SKOR2: variants seen among roughly 807,000 people sequenced by gnomAD.
The protein encoded by SKOR2 is LBX1 corepressor 1-like protein.
In SKOR2, 47 loss-of-function variants were observed where a neutral mutation model predicts 69.1. That is an observed-to-expected ratio of 0.68 (90% CI 0.54 to 0.87). The LOEUF is 0.87. Among genes scored for constraint, SKOR2 ranks in the 40% least tolerant of loss-of-function variants. SKOR2 has a pLI of 0.00. For missense variants in SKOR2, 1,404 were observed against 1,472.2 expected, an observed-to-expected ratio of 0.95 and a Z score of 0.76; for synonymous variants, 717 against 672.6, an observed-to-expected ratio of 1.07 and a Z score of -1.02.
chr18:47,248,446 C>T lies in SKOR2; in HGVS notation c.738G>A (p.Gln246=). The T allele has an allele frequency of 1.3e-6, 2 of 1,533,734 alleles. No homozygotes were observed. The highest frequency in any genetic ancestry group is 1.7e-6 in the Non-Finnish European group (2 of 1,145,462). ...GGTGGCAGGCGGGGTGCGCGCCCGG[C>T]TGGGGCAGTGCGCGCTTGCGGCTGC... The part of the protein sequence containing the change: ...NGGSRKRALP[Q]PGAHPACHPL... Residue 246 remains glutamine, a synonymous_variant, in exon 2 of 9, where the codon CAG becomes CAA. Transcript: ENST00000425639. The surrounding 1 kb of genome is among the most constrained non-coding windows in gnomAD (Gnocchi z 6.4).
In SKOR2 at chr18:47,246,862, C is replaced by A; in HGVS notation, c.2322G>T (p.Glu774Asp). Residue 774 changes from glutamate to aspartate, a missense_variant, in exon 2 of 9, where the codon GAG (glutamate) becomes GAT (aspartate). This residue lies in a region of SKOR2 where 1,266 missense variants were observed against 1,309.9 expected (regional missense o/e 0.97). Transcript: ENST00000425639. ...DDDEEEDEETEVLLGDPLVGG... is the reference protein window; with the variant it reads ...DDDEEEDEETDVLLGDPLVGG... ...CGACTAAGGGGTCGCCGAGTAGGAC[C>A]TCCGTCTCCTCGTCCTCTTCCTCGT... The A allele has an allele frequency of 5.4e-6, 8 of 1,491,936 alleles. No homozygotes were observed. Among genetic ancestry groups the A allele is most frequent in the Admixed American group, 2.2e-5 (1 of 46,480 alleles). The allele number at this position is 1,491,936 out of a possible 1,614,324, so 92.4% of individuals were successfully genotyped here.
In SKOR2 at chr18:47,247,101, G is replaced by GGGCCGGGTGGTGGCGC; in HGVS notation, c.2067_2082dup (p.Pro695AlafsTer75). On this transcript the variant is annotated frameshift_variant, in exon 2 of 9. Coordinates refer to ENST00000425639, the MANE Select transcript of SKOR2 (RefSeq NM_001278063.4). LOFTEE classifies it high-confidence loss of function. This position sits in a 1 kb window ranked among gnomAD's most constrained non-coding sequence, Gnocchi z 6.6. ...GGGGGCGGCGGCGGCGGCGGCGGCG[G>GGGCCGGGTGGTGGCGC]GGCCGGGTGGTGGCGCTCGGAACCC... 1 of 1,335,654 alleles carries GGGCCGGGTGGTGGCGC rather than the reference G, an allele frequency of 7.5e-7. No individual in the cohort carries two copies. The highest frequency in any genetic ancestry group is 9.5e-7 in the Non-Finnish European group (1 of 1,051,152). The allele number at this position is 1,335,654 out of a possible 1,614,324, so 82.7% of individuals were successfully genotyped here.
chr18:47,230,128 G>T (rs1273249369), intron 6 of SKOR2, among the ~76,000 whole-genome samples: 1 of 151,626 alleles, frequency 6.6e-6, no homozygotes, highest in Non-Finnish European at 1.5e-5. Flanking sequence ...TAGTTCTTTT[G>T]TTTTAAAATC....
At chr18:47,249,776 C>T (rs1258649573) in intron 1 of SKOR2, among the ~76,000 whole-genome samples, 1 of 152,172 alleles carries the variant, frequency 6.6e-6, no homozygotes, top group Non-Finnish European at 1.5e-5. Context: ...AAACACAGGT[C>T]ATTAAAGCAA....
At chr18:47,223,894 T>C (rs1014602067) in intron 6 of SKOR2, among the ~76,000 whole-genome samples, 2 of 135,156 alleles carry the variant, frequency 1.5e-5, no homozygotes, top group African/African-American at 5.9e-5. Flanking sequence ...CTAAAATTTT[T>C]TCTATGTTCT....
In SKOR2 at chr18:47,245,301, G is replaced by A. The variant is rs541012202; in HGVS notation, c.2677+197C>T. ...CACTGTTATTTGGGAAACTGTCATCGTTGGCAAACTATAGAAATGTTGATC... is the reference window on the plus strand; with the variant it reads ...CACTGTTATTTGGGAAACTGTCATCATTGGCAAACTATAGAAATGTTGATC... On this transcript the variant is annotated intron_variant, in intron 3 of 8. Coordinates refer to ENST00000425639, the MANE Select transcript of SKOR2 (RefSeq NM_001278063.4). Among the ~76,000 whole-genome samples, 8 of 152,182 alleles carry A rather than the reference G, an allele frequency of 5.3e-5. No individual in the cohort carries two copies. In the East Asian group the frequency reaches 1.2e-3, roughly 22 times the overall value.
intron 6 of SKOR2, among the ~76,000 whole-genome samples, chr18:47,228,703 T>G (rs560240289): frequency 1.3e-5 from 2 of 152,344 alleles, no homozygotes; most frequent in South Asian, 4.1e-4. Flanking sequence ...GGCAAGGAAC[T>G]GTGCAGTCTT....
At chr18:47,239,804 GT>G (rs2064241049) in intron 4 of SKOR2, among the ~76,000 whole-genome samples, 1 of 152,004 alleles carries the variant, frequency 6.6e-6, no homozygotes, top group Non-Finnish European at 1.5e-5. Context: ...AAAATACATT[GT>G]ACATAACTAA....
chr18:47,245,478 A>ATTGTTTTTTTTTTTTTTT lies in SKOR2; in HGVS notation c.2677+19_2677+20insAAAAAAAAAAAAAAACAA, dbSNP rs2064267947. The ATTGTTTTTTTTTTTTTTT allele has an allele frequency of 2.5e-6, 2 of 785,128 alleles. No individual in the cohort carries two copies. Among genetic ancestry groups the ATTGTTTTTTTTTTTTTTT allele is most frequent in the Non-Finnish European group, 3.4e-6 (2 of 592,668 alleles). 48.6% of individuals were successfully genotyped at this position (785,128 alleles called of 1,614,324 possible). A position where few individuals can be genotyped will look rare whatever the true frequency, so the allele number is the denominator to read the frequency against. The stretch of plus-strand genomic sequence containing the variant: ...ATGCAGGCAAGAAAAGTGGCAGCTG[A>ATTGTTTTTTTTTTTTTTT]TTTTTTTTTTTTTTTTTACCTGAAA... On this transcript the variant is annotated intron_variant, in intron 3 of 8. Coordinates refer to ENST00000425639, the MANE Select transcript of SKOR2 (RefSeq NM_001278063.4).
intron 4 of SKOR2, among the ~76,000 whole-genome samples, chr18:47,237,588 G>A (rs1261491782): frequency 1.3e-5 from 2 of 151,984 alleles, no homozygotes; most frequent in Admixed American, 1.3e-4. Flanking sequence ...ATGTATATGG[G>A]GTACAATATG....
chr18:47,212,163 A>G lies in SKOR2; in HGVS notation c.2986-12T>C. ...GCTGCATAGGGGATCTGTAAGACAA[A>G]AACAAGCAACACCATCCAGGTAAGC... On this transcript the variant is annotated splice_polypyrimidine_tract_variant and intron_variant, in intron 7 of 8. Coordinates refer to ENST00000425639, the MANE Select transcript of SKOR2 (RefSeq NM_001278063.4). 8.1e-7 allele frequency: 1 copy of G among 1,231,926 alleles called. No homozygotes were observed. 76.3% of individuals were successfully genotyped at this position (1,231,926 alleles called of 1,614,324 possible).
chr18:47,219,831 G>A, intron 7 of SKOR2, 112 bp downstream of exon 7: 5 of 887,196 alleles, frequency 5.6e-6, no homozygotes, highest in Non-Finnish European at 7.0e-6. Flanking sequence ...CAGCTGAGAG[G>A]TAAGTGGACC....
In SKOR2 at chr18:47,247,998, G is replaced by T. The variant is rs1482856459; in HGVS notation, c.1186C>A (p.Gln396Lys). ...PSKGSFGGVLQKFPGCGGLFP... is the reference protein window; with the variant it reads ...PSKGSFGGVLKKFPGCGGLFP... ...AGCCCGCCGCAGCCCGGGAACTTCT[G>T]CAGGACGCCCCCGAACGAGCCCTTG... Residue 396 changes from glutamine to lysine, a missense_variant, in exon 2 of 9, where the codon CAG becomes AAG. Around this residue, in one of 3 missense-constraint regions of SKOR2, gnomAD observed 1,266 missense variants for 1,309.9 expected, o/e 0.97. Coordinates refer to ENST00000425639, the MANE Select transcript of SKOR2 (RefSeq NM_001278063.4). This position sits in a 1 kb window ranked among gnomAD's most constrained non-coding sequence, Gnocchi z 6.6. The T allele has an allele frequency of 3.5e-6, 5 of 1,426,378 alleles. No homozygotes were observed. Among genetic ancestry groups the T allele is most frequent in the Non-Finnish European group, 4.6e-6 (5 of 1,092,038 alleles). The allele number at this position is 1,426,378 out of a possible 1,614,324, so 88.4% of individuals were successfully genotyped here. A position where few individuals can be genotyped will look rare whatever the true frequency, so the allele number is the denominator to read the frequency against.
intron 8 of SKOR2, among the ~76,000 whole-genome samples, chr18:47,209,970 A>G (rs557799584): frequency 1.4e-3 from 209 of 152,166 alleles, no homozygotes; most frequent in Non-Finnish European, 1.9e-3. Context: ...GTGCACGCCT[A>G]TAATGCTGAG....
In SKOR2 at chr18:47,244,984, T is replaced by C; in HGVS notation, c.2678-2A>G. On this transcript the variant is annotated splice_acceptor_variant, in intron 3 of 8. Coordinates refer to ENST00000425639, the MANE Select transcript of SKOR2 (RefSeq NM_001278063.4). LOFTEE classifies it high-confidence loss of function. ...AAAAGCTATGCTCCTTGTTCTTATC[T>C]AGAACCAAAACAAAACACAAAATCT... 6.5e-7 allele frequency: 1 copy of C among 1,533,994 alleles called. No individual in the cohort carries two copies. Among genetic ancestry groups the C allele is most frequent in the South Asian group, 1.2e-5 (1 of 83,570 alleles).
At chr18:47,241,634 CAAACA>C (rs2064249098) in intron 4 of SKOR2, among the ~76,000 whole-genome samples, 1 of 125,062 alleles carries the variant, frequency 8.0e-6, no homozygotes, top group Non-Finnish European at 1.8e-5. Flanking sequence ...AACAAACAAA[CAAACA>C]AAAAAAAAAC....
intron 5 of SKOR2, 41 bp from the exon 6 acceptor site, chr18:47,230,598 A>G: frequency 1.6e-6 from 2 of 1,234,878 alleles, no homozygotes; most frequent in Non-Finnish European, 2.1e-6. Context: ...ATCTTTACAA[A>G]TAACTCTCCA....
At chr18:47,219,258 T>G (rs2064153579) in intron 7 of SKOR2, among the ~76,000 whole-genome samples, 2 of 152,188 alleles carry the variant, frequency 1.3e-5, no homozygotes, top group African/African-American at 4.8e-5. Flanking sequence ...CTCACAAAAA[T>G]GAGGAGGCTT....
chr18:47,247,258 C>A lies in SKOR2; in HGVS notation c.1926G>T (p.Ala642=), dbSNP rs772142196. 9 of 1,475,910 alleles carry A rather than the reference C, an allele frequency of 6.1e-6. No homozygotes were observed. In the South Asian group the frequency reaches 1.1e-4, roughly 19 times the overall value. 91.4% of individuals were successfully genotyped at this position (1,475,910 alleles called of 1,614,324 possible). A position where few individuals can be genotyped will look rare whatever the true frequency, so the allele number is the denominator to read the frequency against. The change falls in exon 2 of 9, where the codon GCG becomes GCT. Residue 642 remains alanine, a synonymous_variant. Coordinates refer to ENST00000425639, the MANE Select transcript of SKOR2 (RefSeq NM_001278063.4). The surrounding 1 kb of genome is among the most constrained non-coding windows in gnomAD (Gnocchi z 6.6). The part of the protein sequence containing the change: ...DAESLAKLHG[A]SAGAPHSAQT... ...GGGCCGAGTGGGGCGCGCCCGCCGA[C>A]GCCCCGTGCAGCTTGGCCAGGCTCT...
Sources: allele counts gnomAD v4.1 joint callset (sites outside exome capture counted in the v4.1 genomes callset), GRCh38; gene constraint gnomAD v4.1.1; regional missense constraint gnomAD v4.1.1; non-coding constraint Gnocchi (gnomAD v3.1); transcripts MANE v1.5; gene names NCBI Gene and HGNC (gene_info 2026-07-23, HGNC 2026-07-21).